Variants in TMPRSS11D observed in about 807,000 individuals in gnomAD.
The protein encoded by TMPRSS11D is transmembrane protease serine 11D.
In TMPRSS11D, 32 loss-of-function variants were observed where a neutral mutation model predicts 44.4. That is an observed-to-expected ratio of 0.72 (90% CI 0.54 to 0.97). The LOEUF (loss-of-function observed/expected upper bound fraction) is 0.97. Among genes scored for constraint, TMPRSS11D ranks in the 50% least tolerant of loss-of-function variants. TMPRSS11D has a pLI of 0.00. For missense variants in TMPRSS11D, 446 were observed against 502.6 expected (o/e 0.89, Z 1.08); for synonymous variants, 179 against 177.9 (o/e 1.01, Z -0.05).
intron 8 of TMPRSS11D, 94 bp from the exon 9 acceptor site, chr4:67,825,968 C>T: frequency 1.5e-6 from 2 of 1,332,170 alleles, no homozygotes; most frequent in Non-Finnish European, 1.0e-6. Context: ...GTACTCCAAA[C>T]ATTATTTCAT....
chr4:67,878,650 G>A (rs950721946), intron 1 of TMPRSS11D, among the ~76,000 whole-genome samples: 1 of 152,158 alleles, frequency 6.6e-6, no homozygotes, highest in Non-Finnish European at 1.5e-5. Flanking sequence ...AATTGGCCAG[G>A]CACAGTGGCT....
In TMPRSS11D at chr4:67,856,831, C is replaced by T. The variant is rs573058317; in HGVS notation, c.131-2645G>A. ...TTAAGGAGTGGGCAAAGAACATGAG[C>T]GAACAGTTCTCAAAATAAGACATAC... is the stretch of plus-strand genomic sequence containing the variant. On this transcript the variant is annotated intron_variant, in intron 2 of 9. Transcript: ENST00000283916. 7.2e-5 allele frequency among the ~76,000 whole-genome samples: 11 copies of T among 151,940 alleles called. No individual in the cohort carries two copies. The South Asian group carries it at 8.3e-4, about 11-fold the overall frequency.
At chr4:67,829,055 T>G (rs7654002) in intron 7 of TMPRSS11D, among the ~76,000 whole-genome samples, 125,487 of 151,944 alleles carry the variant, frequency 0.83, 52,198 homozygotes, top group Middle Eastern at 0.91. Flanking sequence ...GTTTCAGCAA[T>G]AAATCACTAG....
At chr4:67,828,545 G>C (rs555094214) in intron 7 of TMPRSS11D, among the ~76,000 whole-genome samples, 47 of 152,072 alleles carry the variant, frequency 3.1e-4, no homozygotes, top group Non-Finnish European at 6.3e-4. Flanking sequence ...CATCTCAACT[G>C]GTTCAGCTTA....
At chr4:67,847,043 T>C (rs957654082) in intron 3 of TMPRSS11D, among the ~76,000 whole-genome samples, 3 of 152,114 alleles carry the variant, frequency 2.0e-5, no homozygotes, top group Admixed American at 6.6e-5. Context: ...TAGCTGGGAC[T>C]ACAAGCATCC....
intron 5 of TMPRSS11D, among the ~76,000 whole-genome samples, chr4:67,837,824 G>A (rs1315008132): frequency 6.6e-6 from 1 of 150,530 alleles, no homozygotes; most frequent in African/African-American, 2.4e-5. Context: ...AAGCCTCTGA[G>A]GTGGATCATT....
chr4:67,852,687 A>T (rs1420031154), intron 3 of TMPRSS11D, among the ~76,000 whole-genome samples: 1 of 152,240 alleles, frequency 6.6e-6, no homozygotes, highest in East Asian at 1.9e-4. Flanking sequence ...CAGTTGAATC[A>T]GAATGATTTG....
chr4:67,883,964 T>A lies in TMPRSS11D; in HGVS notation c.-31A>T. 3.7e-6 allele frequency: 6 copies of A among 1,600,352 alleles called. No homozygotes were observed. Among genetic ancestry groups the A allele is most frequent in the Non-Finnish European group, 5.1e-6 (6 of 1,173,710 alleles). On this transcript the variant is annotated 5_prime_UTR_variant, in exon 1 of 10. Transcript: ENST00000283916. ...TCCTTAATGAAGAGGTTCTTTTTTC[T>A]GCCTACTCAACTGCTTTGAGATTCC...
At chr4:67,822,926 G>A (rs1550511) in intron 9 of TMPRSS11D, among the ~76,000 whole-genome samples, 3,534 of 152,138 alleles carry the variant, frequency 0.023, 135 homozygotes, top group African/African-American at 0.079. Context: ...GTGCATTTGT[G>A]TGCCTATTTA....
At chr4:67,881,559 A>G (rs952083324) in intron 1 of TMPRSS11D, among the ~76,000 whole-genome samples, 4 of 152,220 alleles carry the variant, frequency 2.6e-5, no homozygotes, top group African/African-American at 9.6e-5. Context: ...ATTTCTATGA[A>G]GAAATATGTT....
chr4:67,825,929 C>T (rs1717782481), intron 8 of TMPRSS11D, 55 bp from the exon 9 acceptor site: 3 of 1,474,052 alleles, frequency 2.0e-6, no homozygotes, highest in African/African-American at 2.8e-5. Context: ...ACATTATTGA[C>T]CCTATAATAA....
At chr4:67,862,796 C>T (rs1005050933) in intron 1 of TMPRSS11D, among the ~76,000 whole-genome samples, 4 of 151,942 alleles carry the variant, frequency 2.6e-5, no homozygotes, top group African/African-American at 9.7e-5. Flanking sequence ...TCTCAGCAAA[C>T]TATCGCAAGG....
intron 1 of TMPRSS11D, among the ~76,000 whole-genome samples, chr4:67,879,317 T>TA (rs1719265578): frequency 6.6e-6 from 1 of 151,204 alleles, no homozygotes; most frequent in Non-Finnish European, 1.5e-5. Flanking sequence ...CCATCTCTAC[T>TA]AAAAATACAA....
chr4:67,870,552 C>A (rs939052734), intron 1 of TMPRSS11D, among the ~76,000 whole-genome samples: 8 of 152,032 alleles, frequency 5.3e-5, no homozygotes, highest in Admixed American at 2.6e-4. Flanking sequence ...CGGTGGCCCA[C>A]GCCTGTAATC....
rs182959781 is a variant in TMPRSS11D at position 67,867,676 on chromosome 4, T to C, written c.9-7998A>G. 4.6e-5 allele frequency among the ~76,000 whole-genome samples: 7 copies of C among 152,034 alleles called. No individual in the cohort carries two copies. In the East Asian group the frequency reaches 1.4e-3, roughly 29 times the overall value. ...TTAAAGAGTGGGCTAAGGACATGAA[T>C]AGACATTTCTCAAGAGACATACAAA... is the stretch of plus-strand genomic sequence containing the variant. On this transcript the variant is annotated intron_variant, in intron 1 of 9. Coordinates refer to ENST00000283916, the MANE Select transcript of TMPRSS11D (RefSeq NM_004262.3).
intron 1 of TMPRSS11D, among the ~76,000 whole-genome samples, chr4:67,863,362 A>T (rs1318665877): frequency 1.3e-5 from 2 of 151,626 alleles, no homozygotes; most frequent in East Asian, 3.9e-4. Flanking sequence ...GAAAAGTTCA[A>T]AACCGAACGT....
At chr4:67,849,608 T>C (rs887003547) in intron 3 of TMPRSS11D, among the ~76,000 whole-genome samples, 2 of 152,054 alleles carry the variant, frequency 1.3e-5, no homozygotes, top group African/African-American at 4.8e-5. Flanking sequence ...AACAAAATCA[T>C]AGATTTTTTG....
intron 7 of TMPRSS11D, among the ~76,000 whole-genome samples, chr4:67,831,309 T>C (rs1577805219): frequency 6.6e-6 from 1 of 152,122 alleles, no homozygotes; most frequent in African/African-American, 2.4e-5. Context: ...AGGCTGGTCA[T>C]GCCCCAAACA....
chr4:67,831,484 T>C (rs1297813159), intron 7 of TMPRSS11D, among the ~76,000 whole-genome samples: 1 of 152,108 alleles, frequency 6.6e-6, no homozygotes, highest in Non-Finnish European at 1.5e-5. Context: ...TCGTTGTCGA[T>C]ATTTATAACT....
Sources: gnomAD v4.1 joint callset for allele counts (sites outside exome capture counted in the v4.1 genomes callset) on GRCh38, gnomAD v4.1.1 for gene constraint, MANE v1.5 for transcripts, NCBI Gene and HGNC (gene_info 2026-07-23, HGNC 2026-07-21) for gene names.